PRKCB: variants seen among roughly 807,000 people sequenced by gnomAD.
PRKCB encodes the protein protein kinase C beta.
A neutral mutation model predicts 81.5 loss-of-function variants in PRKCB; 13 were observed. That is an observed-to-expected ratio of 0.16 (90% CI 0.10 to 0.25). The LOEUF (loss-of-function observed/expected upper bound fraction) is 0.25, where lower values mean the gene tolerates loss of function less well. PRKCB is among the 10% of genes least tolerant of loss of function. PRKCB has a pLI of 1.00. For missense variants in PRKCB, 509 were observed against 875.7 expected, an observed-to-expected ratio of 0.58 and a Z score of 5.29; for synonymous variants, 335 against 321.4, an observed-to-expected ratio of 1.04 and a Z score of -0.45.
intron 3 of PRKCB, among the ~76,000 whole-genome samples, chr16:24,021,315 C>T (rs796477362): frequency 1.6e-4 from 6 of 36,414 alleles, no homozygotes; most frequent in Non-Finnish European, 3.1e-4. Context: ...TCCTTCCTTC[C>T]TTCCTTCCTT....
intron 8 of PRKCB, among the ~76,000 whole-genome samples, chr16:24,118,278 T>C (rs1198631949): frequency 1.3e-5 from 2 of 152,240 alleles, no homozygotes; most frequent in Non-Finnish European, 1.5e-5. Flanking sequence ...TATGTGAGGA[T>C]TGAATGAGGT....
At position 24,215,860 on chromosome 16, in the gene PRKCB, C is replaced by T; in HGVS notation, c.*1044C>T. The T allele has an allele frequency of 8.1e-6, 8 of 985,384 alleles. No individual in the cohort carries two copies. Among genetic ancestry groups the T allele is most frequent in the Non-Finnish European group, 9.6e-6 (8 of 829,892 alleles). 61.0% of individuals were successfully genotyped at this position (985,384 alleles called of 1,614,324 possible). ...CTAATTAAGTGCTCTGAAAAAGACA[C>T]CGTTTCTTGAAACAAAGATGGTTGT... is the stretch of plus-strand genomic sequence containing the variant. On this transcript the variant is annotated 3_prime_UTR_variant, in exon 17 of 17. Coordinates refer to ENST00000643927, the MANE Select transcript of PRKCB (RefSeq NM_002738.7).
At chr16:23,872,329 G>A (rs1167705334) in intron 2 of PRKCB, among the ~76,000 whole-genome samples, 1 of 152,152 alleles carries the variant, frequency 6.6e-6, no homozygotes, top group East Asian at 1.9e-4. Context: ...GTCAGTCTGG[G>A]CAACATAGCA....
intron 2 of PRKCB, among the ~76,000 whole-genome samples, chr16:23,850,377 T>TTA (rs1567289436): frequency 2.6e-5 from 4 of 152,068 alleles, no homozygotes; most frequent in African/African-American, 4.8e-5. Context: ...TAATTTTTTT[T>TTA]AATTTGAGAC....
chr16:23,837,196 G>T, intron 1 of PRKCB, 179 bp from the exon 2 acceptor site: 1 of 758,704 alleles, frequency 1.3e-6, no homozygotes, highest in East Asian at 2.5e-5. Flanking sequence ...GCAGATGGGG[G>T]TTACAGCCGA....
chr16:24,089,185 C>T (rs1379827074), intron 5 of PRKCB, among the ~76,000 whole-genome samples: 1 of 152,172 alleles, frequency 6.6e-6, no homozygotes, highest in Non-Finnish European at 1.5e-5. Context: ...AACAATGTTA[C>T]TTAATGTGTG....
At chr16:23,901,581 C>T (rs995072798) in intron 2 of PRKCB, among the ~76,000 whole-genome samples, 1 of 152,224 alleles carries the variant, frequency 6.6e-6, no homozygotes, top group East Asian at 1.9e-4. Context: ...CAGATTTCTC[C>T]AGCCCATCTC....
At chr16:24,153,102 C>T (rs992506423) in intron 9 of PRKCB, among the ~76,000 whole-genome samples, 14 of 152,162 alleles carry the variant, frequency 9.2e-5, no homozygotes, top group Non-Finnish European at 1.8e-4. Flanking sequence ...AGACCTTTTG[C>T]TGCTGGGATA....
intron 9 of PRKCB, among the ~76,000 whole-genome samples, chr16:24,126,138 A>T (rs1356012791): frequency 6.6e-6 from 1 of 152,232 alleles, no homozygotes; most frequent in East Asian, 1.9e-4. Flanking sequence ...TGTTGAATAC[A>T]TGAATGAAAA....
rs1483619538 is a variant in PRKCB, at chr16:23,836,351, G to A, written c.173+3G>A. On this transcript the variant is annotated splice_donor_region_variant and intron_variant, in intron 1 of 16. Coordinates refer to ENST00000643927, the MANE Select transcript of PRKCB (RefSeq NM_002738.7). ...AGCCACTGCACCGACTTCATCTGGTGAGCGCGCGCGCGCAGGGCACCTTCC... is the reference window on the plus strand; with the variant it reads ...AGCCACTGCACCGACTTCATCTGGTAAGCGCGCGCGCGCAGGGCACCTTCC... 1 of 1,600,414 alleles carries A rather than the reference G, an allele frequency of 6.2e-7. No individual in the cohort carries two copies. The highest frequency in any genetic ancestry group is 1.7e-5 in the Admixed American group (1 of 59,512).
chr16:23,930,475 G>A (rs959697558), intron 2 of PRKCB, among the ~76,000 whole-genome samples: 4 of 151,984 alleles, frequency 2.6e-5, no homozygotes, highest in Non-Finnish European at 5.9e-5. Context: ...AGGCTGAGGT[G>A]GGAGAACTAC....
At chr16:24,145,483 G>A (rs750872934) in intron 9 of PRKCB, among the ~76,000 whole-genome samples, 1 of 152,182 alleles carries the variant, frequency 6.6e-6, no homozygotes, top group Non-Finnish European at 1.5e-5. Context: ...AAACAGGGTA[G>A]GAGACAACTG....
intron 2 of PRKCB, among the ~76,000 whole-genome samples, chr16:23,979,091 C>A (rs1317286998): frequency 6.6e-6 from 1 of 152,152 alleles, no homozygotes; most frequent in Non-Finnish European, 1.5e-5. Context: ...CTATTAGGCA[C>A]TTCTTGTGTC....
intron 5 of PRKCB, among the ~76,000 whole-genome samples, chr16:24,052,660 T>A (rs1965857586): frequency 1.3e-5 from 2 of 152,230 alleles, no homozygotes; most frequent in South Asian, 4.1e-4. Flanking sequence ...TAAACTGTCA[T>A]GGCGCTGCTG....
intron 9 of PRKCB, among the ~76,000 whole-genome samples, chr16:24,128,140 G>T (rs182012783): frequency 7.1e-4 from 108 of 152,306 alleles, no homozygotes; most frequent in Admixed American, 2.5e-3. Flanking sequence ...ACTTTGGGAG[G>T]CCAAGGTGGG....
intron 16 of PRKCB, among the ~76,000 whole-genome samples, chr16:24,204,665 T>C (rs1475744957): frequency 6.6e-6 from 1 of 152,114 alleles, no homozygotes; most frequent in East Asian, 1.9e-4. Flanking sequence ...CTAGTTTCTT[T>C]TAAAAAGCAA....
At chr16:23,875,478 AAGATATAT>A (rs1459538432) in intron 2 of PRKCB, among the ~76,000 whole-genome samples, 16 of 18,798 alleles carry the variant, frequency 8.5e-4, no homozygotes, top group African/African-American at 4.8e-3. Context: ...TTCAACTAAA[AAGATATAT>A]ATATATATAT....
chr16:23,844,028 A>G (rs751441578), intron 2 of PRKCB, among the ~76,000 whole-genome samples: 2 of 152,194 alleles, frequency 1.3e-5, no homozygotes, highest in Non-Finnish European at 2.9e-5. Flanking sequence ...TTTTCACAAT[A>G]CGCATCTTCT....
intron 2 of PRKCB, among the ~76,000 whole-genome samples, chr16:23,959,379 C>A (rs955432598): frequency 6.6e-6 from 1 of 152,222 alleles, no homozygotes; most frequent in Non-Finnish European, 1.5e-5. Context: ...ATTTCTGACT[C>A]TCTCTTCCTA....
Sources: allele counts gnomAD v4.1 joint callset (sites outside exome capture counted in the v4.1 genomes callset), GRCh38; gene constraint gnomAD v4.1.1; transcripts MANE v1.5; gene names NCBI Gene and HGNC (gene_info 2026-07-23, HGNC 2026-07-21).